The following AXDND1 variants were observed in gnomAD, a reference collection of about 807,000 sequenced individuals.
AXDND1 encodes the protein axonemal dynein light chain domain containing 1.
In AXDND1, 110 loss-of-function variants were observed where a neutral mutation model predicts 137.5. That is an observed-to-expected ratio of 0.80 (90% CI 0.69 to 0.94). The LOEUF is 0.94. Ranked by LOEUF, AXDND1 falls within the 40% of genes least tolerant of loss-of-function variation. AXDND1 has a pLI of 0.00. For synonymous variants in AXDND1, 414 were observed against 399.7 expected (o/e 1.04, Z -0.43); for missense variants, 1,191 against 1,169.8 (o/e 1.02, Z -0.26).
intron 22 of AXDND1, among the ~76,000 whole-genome samples, chr1:179,528,058 A>G (rs530080922): frequency 6.6e-6 from 1 of 152,260 alleles, no homozygotes; most frequent in South Asian, 2.1e-4. Flanking sequence ...TTTATTATCT[A>G]TCTCTCCTAT....
Position 179,473,565 on chromosome 1 carries a change from C to G in AXDND1, c.1997+4924C>G, listed in dbSNP as rs150656267. On this transcript the variant is annotated intron_variant, in intron 17 of 25. Transcript: ENST00000367618. Reference sequence around the variant, plus strand: ...TAGTGACATATAGATATACTTCTATCTAGTTTGATTCCTTTTCCCACCTTT... The same window carrying G: ...TAGTGACATATAGATATACTTCTATGTAGTTTGATTCCTTTTCCCACCTTT... 1.4e-3 allele frequency among the ~76,000 whole-genome samples: 215 copies of G among 152,254 alleles called. 2 individuals carry two copies. The highest frequency in any genetic ancestry group is 5.0e-3 in the African/African-American group (208 of 41,538).
chr1:179,544,361 A>G (rs1336481122), intron 25 of AXDND1: 2 of 152,202 alleles, frequency 1.3e-5, no homozygotes, highest in Non-Finnish European at 2.9e-5. Context: ...ATAAAAAAAC[A>G]TTAGTTTTTC....
chr1:179,505,370 T>C (rs757934225), intron 20 of AXDND1, among the ~76,000 whole-genome samples: 1 of 152,148 alleles, frequency 6.6e-6, no homozygotes, highest in African/African-American at 2.4e-5. Flanking sequence ...CTGAGGATCT[T>C]GGCCAGGTGC....
intron 16 of AXDND1, chr1:179,453,026 T>C (rs1392792163): frequency 6.6e-6 from 1 of 152,126 alleles, no homozygotes; most frequent in Non-Finnish European, 1.5e-5. Context: ...CTTCAGAGGG[T>C]GCAAGCCTCA....
chr1:179,447,827 T>TA, intron 16 of AXDND1: 1 of 1,288,222 alleles, frequency 7.8e-7, no homozygotes, highest in Non-Finnish European at 1.1e-6. Context: ...GTGAAGTCTG[T>TA]AGTGCCCAAC....
At chr1:179,369,472 T>C (rs1282130714) in intron 3 of AXDND1, among the ~76,000 whole-genome samples, 2 of 152,074 alleles carry the variant, frequency 1.3e-5, no homozygotes, top group Non-Finnish European at 2.9e-5. Flanking sequence ...GCCAACATCA[T>C]GAAACCCTGT....
Position 179,383,485 on chromosome 1 carries a change from A to G in AXDND1, c.682A>G (p.Met228Val), listed in dbSNP as rs759733624. ...AGAAGTGGCCCAGCTGAATGATGTG[A>G]TGGATACTATGCTAGAGAGGGCTGG... ...RVEVAQLNDV[M>V]DTMLERAGVE... is the part of the protein sequence containing the mutation. The change falls in exon 8 of 26, where the codon ATG (methionine) becomes GTG (valine). Residue 228 changes from methionine to valine, a missense_variant. By Grantham distance (21) the Met-to-Val change is conservative. Coordinates refer to ENST00000367618, the MANE Select transcript of AXDND1 (RefSeq NM_144696.6). 25 of 1,614,106 alleles carry G rather than the reference A, an allele frequency of 1.5e-5. No homozygotes were observed. The East Asian group carries it at 1.8e-4, about 12-fold the overall frequency.
intron 4 of AXDND1, among the ~76,000 whole-genome samples, chr1:179,377,085 C>G (rs1443498556): frequency 1.3e-5 from 2 of 152,088 alleles, no homozygotes; most frequent in African/African-American, 2.4e-5. Context: ...GCACACACCA[C>G]CACGCCCGGC....
At chr1:179,491,885 G>C (rs1399263176) in intron 19 of AXDND1, 148 bp downstream of exon 19, 4 of 720,290 alleles carry the variant, frequency 5.6e-6, no homozygotes, top group Non-Finnish European at 8.5e-6. Flanking sequence ...AACACTGTGA[G>C]CAGTTATAAT....
At chr1:179,384,408 T>C (rs1648875280) in intron 8 of AXDND1, among the ~76,000 whole-genome samples, 1 of 152,218 alleles carries the variant, frequency 6.6e-6, no homozygotes, top group Admixed American at 6.5e-5. Context: ...AATTTAATGT[T>C]GATATGATAG....
chr1:179,550,051 T>C (rs973070246), intron 25 of AXDND1, among the ~76,000 whole-genome samples: 4 of 152,218 alleles, frequency 2.6e-5, no homozygotes, highest in Non-Finnish European at 1.5e-5. Context: ...GAGAGCCATT[T>C]GGATTCCACA....
chr1:179,373,395 T>C (rs1294082299), intron 4 of AXDND1, among the ~76,000 whole-genome samples: 1 of 152,118 alleles, frequency 6.6e-6, no homozygotes, highest in Admixed American at 6.6e-5. Context: ...AAAATGGCCA[T>C]ACTGCCCAAG....
intron 14 of AXDND1, among the ~76,000 whole-genome samples, chr1:179,430,812 C>A (rs1356650644): frequency 1.3e-5 from 2 of 152,206 alleles, no homozygotes; most frequent in Admixed American, 1.3e-4. Flanking sequence ...CCATCCCGAT[C>A]CCCCTGCTCA....
chr1:179,460,043 C>G (rs893385218), intron 16 of AXDND1, among the ~76,000 whole-genome samples: 1 of 115,006 alleles, frequency 8.7e-6, no homozygotes, highest in African/African-American at 3.4e-5. Context: ...CTTTTATTTT[C>G]TTTATTATTA....
intron 23 of AXDND1, 38 bp from the exon 24 acceptor site, chr1:179,533,757 A>G: frequency 6.8e-7 from 1 of 1,460,756 alleles, no homozygotes; most frequent in Non-Finnish European, 9.6e-7. Flanking sequence ...AATTGTTGAG[A>G]CTGTCAGTTC....
intron 7 of AXDND1, 143 bp from the exon 8 acceptor site, chr1:179,383,296 TTAA>T: frequency 1.7e-6 from 1 of 591,872 alleles, no homozygotes; most frequent in African/African-American, 1.8e-5. Flanking sequence ...TCCCAATAGA[TTAA>T]TAGACACAGG....
intron 6 of AXDND1, 120 bp downstream of exon 6, chr1:179,379,602 T>G (rs1647882163): frequency 8.1e-7 from 1 of 1,236,472 alleles, no homozygotes; most frequent in Non-Finnish European, 1.1e-6. Context: ...AAGACCAGCC[T>G]GGTCAACATG....
chr1:179,383,072 C>G (rs1026223837), intron 7 of AXDND1, among the ~76,000 whole-genome samples: 4 of 150,076 alleles, frequency 2.7e-5, no homozygotes, highest in African/African-American at 4.9e-5. Flanking sequence ...CTTTTTTTTC[C>G]TTTTCTTTGT....
intron 25 of AXDND1, among the ~76,000 whole-genome samples, chr1:179,546,441 C>T (rs1672653389): frequency 6.6e-6 from 1 of 152,114 alleles, no homozygotes; most frequent in South Asian, 2.1e-4. Flanking sequence ...GAGACCCTGC[C>T]ACACCTTCTC....
Sources: allele counts gnomAD v4.1 joint callset (sites outside exome capture counted in the v4.1 genomes callset), GRCh38; gene constraint gnomAD v4.1.1; transcripts MANE v1.5; gene names NCBI Gene and HGNC (gene_info 2026-07-23, HGNC 2026-07-21).